DRICH1: variants seen among roughly 807,000 people sequenced by gnomAD.
DRICH1 encodes the protein aspartate rich 1.
DRICH1 carries 38 observed loss-of-function variants against 39.5 expected under a neutral mutation model. The observed-to-expected ratio is 0.96, with a 90% confidence interval of 0.74 to 1.26. The LOEUF is 1.26. Ranked by LOEUF, DRICH1 falls within the 50% of genes most tolerant of loss-of-function variation. The probability of loss-of-function intolerance (pLI) is 0.00; values close to 1 mark genes in which losing one functional copy is unlikely to be tolerated. For missense variants in DRICH1, 279 were observed against 270.4 expected (o/e 1.03, Z -0.22); for synonymous variants, 84 against 99.5 (o/e 0.84, Z 0.93).
intron 11 of DRICH1, among the ~76,000 whole-genome samples, chr22:23,611,321 T>C (rs1386507568): frequency 6.6e-6 from 1 of 152,122 alleles, no homozygotes; most frequent in Admixed American, 6.5e-5. Context: ...TCAAAGTGAT[T>C]GTGACACTTC....
upstream of DRICH1, chr22:23,632,673 T>TGG (rs1345726369): frequency 3.1e-4 from 39 of 126,556 alleles, no homozygotes; most frequent in East Asian, 7.9e-3. Flanking sequence ...TTTGGGAGGC[T>TGG]GAGCGGGGGG....
downstream of DRICH1, among the ~76,000 whole-genome samples, chr22:23,605,880 A>C (rs1274745730): frequency 6.6e-6 from 1 of 152,056 alleles, no homozygotes; most frequent in African/African-American, 2.4e-5. Context: ...CAGGAGTTCG[A>C]GATCAGCCTG....
downstream of DRICH1, among the ~76,000 whole-genome samples, chr22:23,606,481 G>A (rs868793277): frequency 3.5e-4 from 53 of 152,086 alleles, no homozygotes; most frequent in African/African-American, 1.3e-3. Context: ...CGTCGGTTGG[G>A]GCGCAGCTCT....
At chr22:23,605,812 G>C (rs1926695115), downstream of DRICH1, among the ~76,000 whole-genome samples, 1 of 152,054 alleles carries the variant, frequency 6.6e-6, no homozygotes, top group Admixed American at 6.6e-5. Context: ...GTTAATTATG[G>C]GCTCATGCCT....
chr22:23,587,403 G>C, the DRICH1 span, among the ~76,000 whole-genome samples: 85 of 152,296 alleles, frequency 5.6e-4, no homozygotes, highest in South Asian at 5.6e-3. Context: ...CTTTCCCCCA[G>C]TTGGCTGGAT....
downstream of DRICH1, among the ~76,000 whole-genome samples, chr22:23,605,966 T>C (rs1255107898): frequency 6.6e-6 from 1 of 150,756 alleles, no homozygotes; most frequent in African/African-American, 2.4e-5. Flanking sequence ...CCCAGCTACT[T>C]GGGAGGCTGA....
chr22:23,613,307 C>T lies in DRICH1; in HGVS notation c.667G>A (p.Asp223Asn). 6.2e-7 allele frequency: 1 copy of T among 1,613,576 alleles called. No individual in the cohort carries two copies. The highest frequency in any genetic ancestry group is 8.5e-7 in the Non-Finnish European group (1 of 1,179,682). Residue 223 changes from aspartate to asparagine, a missense_variant, in exon 11 of 12, where the codon GAT (aspartate) becomes AAT (asparagine). Transcript: ENST00000317749. ...ESDLTLESLSDEEIHPG is the reference protein window; with the variant it reads ...ESDLTLESLSNEEIHPG ...TCCCTACCTGGATGAATCTCTTCAT[C>T]ACTTAGACTCTCCAGCGTCAAGTCT... is the stretch of plus-strand genomic sequence containing the variant.
chr22:23,605,192 C>T (rs1218500050), downstream of DRICH1, among the ~76,000 whole-genome samples: 4 of 152,138 alleles, frequency 2.6e-5, no homozygotes. Context: ...CATTGTGACC[C>T]AGAAGGTTGT....
intron 8 of DRICH1, among the ~76,000 whole-genome samples, chr22:23,615,578 A>G (rs1195921208): frequency 6.6e-6 from 1 of 152,224 alleles, no homozygotes; most frequent in African/African-American, 2.4e-5. Flanking sequence ...CTAACACACA[A>G]TACTACACAG....
chr22:23,589,121 C>T, the DRICH1 span, among the ~76,000 whole-genome samples: 17 of 145,564 alleles, frequency 1.2e-4, no homozygotes, highest in African/African-American at 4.3e-4. Context: ...CACACACACA[C>T]ACACACCCCT....
intron 1 of DRICH1, among the ~76,000 whole-genome samples, chr22:23,631,446 T>A (rs1602356236): frequency 6.7e-5 from 10 of 150,134 alleles, no homozygotes; most frequent in Admixed American, 6.0e-4. Context: ...AAATAAATAA[T>A]AAATAAAATT....
upstream of DRICH1, among the ~76,000 whole-genome samples, chr22:23,632,569 G>A (rs560761157): frequency 3.9e-4 from 60 of 152,222 alleles, 1 homozygote; most frequent in South Asian, 0.012. Context: ...CTAAGTGCAG[G>A]GGGAGTTGTT....
rs767626253 is a variant in DRICH1 at position 23,631,782 on chromosome 22, G to A, written c.208+34C>T. The A allele has an allele frequency of 3.2e-5, 50 of 1,578,744 alleles. No homozygotes were observed. The Middle Eastern group carries it at 6.8e-4, about 22-fold the overall frequency. On this transcript the variant is annotated intron_variant, in intron 1 of 11. Coordinates refer to ENST00000317749, the MANE Select transcript of DRICH1 (RefSeq NM_016449.4). ...AGGGGGTGGGGGTGGCCAGAGGTGTGCCAGAGGGTAAACGGCACCCGTGGC... is the reference window on the plus strand; with the variant it reads ...AGGGGGTGGGGGTGGCCAGAGGTGTACCAGAGGGTAAACGGCACCCGTGGC...
intron 11 of DRICH1, chr22:23,610,595 A>T (rs1470667743): frequency 6.6e-6 from 1 of 152,008 alleles, no homozygotes; most frequent in Non-Finnish European, 1.5e-5. Flanking sequence ...GCCCGCGGGG[A>T]CTCGTGGTCT....
chr22:23,593,229 A>T, the DRICH1 span, among the ~76,000 whole-genome samples: 3 of 152,180 alleles, frequency 2.0e-5, no homozygotes, highest in Non-Finnish European at 4.4e-5. Context: ...CCTCAACAAA[A>T]ATTCTAGAGC....
the DRICH1 span, among the ~76,000 whole-genome samples, chr22:23,589,481 C>CAT: frequency 4.0e-4 from 51 of 127,266 alleles, no homozygotes; most frequent in Middle Eastern, 7.8e-3. Context: ...TACATATGTA[C>CAT]ATATATATAT....
At chr22:23,623,391 G>A (rs183883496) in intron 3 of DRICH1, among the ~76,000 whole-genome samples, 2 of 152,152 alleles carry the variant, frequency 1.3e-5, no homozygotes, top group East Asian at 3.9e-4. Context: ...GTGACAGAGT[G>A]AGACTCCATC....
the DRICH1 span, among the ~76,000 whole-genome samples, chr22:23,585,635 A>G: frequency 6.6e-6 from 1 of 152,044 alleles, no homozygotes; most frequent in Non-Finnish European, 1.5e-5. Context: ...CTCCTGCCTC[A>G]GCCTCCTGAG....
the DRICH1 span, among the ~76,000 whole-genome samples, chr22:23,586,938 C>T: frequency 6.6e-6 from 1 of 152,226 alleles, no homozygotes; most frequent in African/African-American, 2.4e-5. Flanking sequence ...TATATAACTA[C>T]ACCAGTTTTC....
Sources: gnomAD v4.1 joint callset for allele counts (sites outside exome capture counted in the v4.1 genomes callset) on GRCh38, gnomAD v4.1.1 for gene constraint, MANE v1.5 for transcripts, NCBI Gene and HGNC (gene_info 2026-07-23, HGNC 2026-07-21) for gene names.